The following MEGF10 variants were observed in gnomAD, a reference collection of about 807,000 sequenced individuals.
MEGF10 encodes multiple epidermal growth factor-like domains protein 10.
In MEGF10, 86 loss-of-function variants were observed where a neutral mutation model predicts 147.5. The observed-to-expected ratio is 0.58, with a 90% CI of 0.49 to 0.70. MEGF10 has a LOEUF of 0.70. Among genes scored for constraint, MEGF10 ranks in the 30% least tolerant of loss-of-function variants. The pLI, the probability that MEGF10 is intolerant of heterozygous loss-of-function variation, is 0.00. For missense variants in MEGF10, 1,329 were observed against 1,487.3 expected (o/e 0.89, Z 1.75); for synonymous variants, 478 against 525.5 (o/e 0.91, Z 1.24).
intron 1 of MEGF10, among the ~76,000 whole-genome samples, chr5:127,316,810 C>T (rs1272546886): frequency 2.0e-5 from 3 of 152,134 alleles, no homozygotes; most frequent in Non-Finnish European, 4.4e-5. Context: ...ACTACTCTGA[C>T]GAAGAACACA....
chr5:127,449,824 A>G (rs991206453), intron 22 of MEGF10, among the ~76,000 whole-genome samples: 1 of 152,210 alleles, frequency 6.6e-6, no homozygotes, highest in African/African-American at 2.4e-5. Context: ...AAATTTATTG[A>G]GGACCCAAAA....
intron 2 of MEGF10, among the ~76,000 whole-genome samples, chr5:127,335,360 C>G (rs2126791189): frequency 1.3e-5 from 2 of 152,288 alleles, no homozygotes; most frequent in East Asian, 3.9e-4. Flanking sequence ...CCCTCACACT[C>G]TGTGACTTCA....
rs978963491 is a variant in MEGF10, at chr5:127,422,849, G to A, written c.1693+77G>A. ...TAGTGCTGTTCCTTATCACTTCACA[G>A]AAACACACACCAGTCAACTTTTCAA... On this transcript the variant is annotated intron_variant, in intron 13 of 24. Coordinates refer to ENST00000503335, the MANE Select transcript of MEGF10 (RefSeq NM_001256545.2). The A allele has an allele frequency of 1.3e-5, 13 of 1,038,382 alleles. No individual in the cohort carries two copies. The African/African-American group carries it at 1.9e-4, about 15-fold the overall frequency. 64.3% of individuals were successfully genotyped at this position (1,038,382 alleles called of 1,614,324 possible).
At chr5:127,248,504 G>A in the MEGF10 span, among the ~76,000 whole-genome samples, 1 of 151,930 alleles carries the variant, frequency 6.6e-6, no homozygotes, top group Middle Eastern at 3.2e-3. Context: ...TGTAATGAAT[G>A]GACAGGTAGG....
intron 2 of MEGF10, among the ~76,000 whole-genome samples, chr5:127,338,527 T>C (rs1282157065): frequency 6.6e-6 from 1 of 152,144 alleles, no homozygotes; most frequent in Non-Finnish European, 1.5e-5. Context: ...TTTAGGCTAA[T>C]TGTCTCAGCC....
chr5:127,370,623 A>T (rs975193478), intron 5 of MEGF10, among the ~76,000 whole-genome samples: 2 of 152,200 alleles, frequency 1.3e-5, no homozygotes, highest in African/African-American at 4.8e-5. Context: ...TAATTCTAAA[A>T]TGATGGTATT....
chr5:127,264,880 C>T, the MEGF10 span, among the ~76,000 whole-genome samples: 1 of 151,718 alleles, frequency 6.6e-6, no homozygotes, highest in Admixed American at 6.6e-5. Context: ...AAACGTGTGC[C>T]ATGGTGGTTT....
the MEGF10 span, among the ~76,000 whole-genome samples, chr5:127,233,051 A>G: frequency 6.6e-6 from 1 of 152,218 alleles, no homozygotes; most frequent in Admixed American, 6.5e-5. Context: ...CTTAAAACAC[A>G]GGAGAATTGC....
the MEGF10 span, among the ~76,000 whole-genome samples, chr5:127,275,564 T>C: frequency 6.6e-6 from 1 of 151,848 alleles, no homozygotes; most frequent in Non-Finnish European, 1.5e-5. Flanking sequence ...AATTTCTGCC[T>C]TACTGCTGCC....
At position 127,410,535 on chromosome 5, in the gene MEGF10, G is replaced by T. The variant is rs766230721; in HGVS notation, c.1064G>T (p.Cys355Phe). Residue 355 changes from cysteine (C) to phenylalanine (F), a missense_variant, in exon 9 of 25, where the codon TGT becomes TTT. Cys to Phe is a radical substitution (Grantham distance 205, BLOSUM62 -2). Transcript: ENST00000503335. The stretch of plus-strand genomic sequence containing the variant: ...GGCGAGCGCTGCGAAGCACGCCTGT[G>T]TCCTGAGGGGCTCTACGGCATCAAA... ...FAGERCEARL[C>F]PEGLYGIKCD... 6.2e-7 allele frequency: 1 copy of T among 1,613,546 alleles called. No homozygotes were observed. Among genetic ancestry groups the T allele is most frequent in the Non-Finnish European group, 8.5e-7 (1 of 1,180,030 alleles).
intron 4 of MEGF10, among the ~76,000 whole-genome samples, chr5:127,355,636 C>T (rs924823033): frequency 9.9e-5 from 15 of 152,206 alleles, no homozygotes; most frequent in African/African-American, 2.9e-4. Context: ...GGAACCTAAA[C>T]TTCTGCTTTC....
the MEGF10 span, among the ~76,000 whole-genome samples, chr5:127,273,881 T>A: frequency 5.1e-4 from 78 of 152,336 alleles, no homozygotes; most frequent in African/African-American, 1.8e-3. Context: ...AATATTTAAG[T>A]TTAGAATTTA....
At chr5:127,423,863 A>G (rs756394605) in intron 13 of MEGF10, among the ~76,000 whole-genome samples, 4 of 152,120 alleles carry the variant, frequency 2.6e-5, no homozygotes, top group African/African-American at 4.8e-5. Flanking sequence ...TTTGCAGCAG[A>G]AAAGTTTTTA....
chr5:127,427,045 A>T (rs1436492464), intron 13 of MEGF10, among the ~76,000 whole-genome samples: 3 of 152,190 alleles, frequency 2.0e-5, no homozygotes, highest in African/African-American at 7.2e-5. Context: ...TTTGGAAAAG[A>T]TTTGGAAATC....
At chr5:127,247,482 G>GAAGAAA in the MEGF10 span, among the ~76,000 whole-genome samples, 18 of 148,924 alleles carry the variant, frequency 1.2e-4, 1 homozygote, top group East Asian at 3.5e-3. Context: ...AGAAGAAGAA[G>GAAGAAA]AAGAAAAATT....
At chr5:127,330,867 G>A (rs535255813) in intron 1 of MEGF10, among the ~76,000 whole-genome samples, 5 of 152,234 alleles carry the variant, frequency 3.3e-5, no homozygotes, top group South Asian at 4.1e-4. Context: ...CTCTTGATTC[G>A]ATGGAGCTTC....
chr5:127,261,921 T>A, the MEGF10 span, among the ~76,000 whole-genome samples: 6 of 152,328 alleles, frequency 3.9e-5, no homozygotes, highest in South Asian at 1.2e-3. Context: ...TGGAGAAATG[T>A]CTGTTCAGAT....
At chr5:127,454,070 G>C (rs764594043) in intron 22 of MEGF10, among the ~76,000 whole-genome samples, 1 of 152,152 alleles carries the variant, frequency 6.6e-6, no homozygotes, top group African/African-American at 2.4e-5. Context: ...GAATAAAGAA[G>C]GGCAAGAGCT....
chr5:127,362,488 C>T (rs910537619), intron 4 of MEGF10, among the ~76,000 whole-genome samples: 2 of 151,770 alleles, frequency 1.3e-5, no homozygotes, highest in Admixed American at 6.6e-5. Context: ...TCCTGCCTCC[C>T]GAGTAGCTGG....
Sources: allele counts gnomAD v4.1 joint callset (sites outside exome capture counted in the v4.1 genomes callset), GRCh38; gene constraint gnomAD v4.1.1; transcripts MANE v1.5; gene names NCBI Gene and HGNC (gene_info 2026-07-23, HGNC 2026-07-21).